UBA3: variants seen among roughly 807,000 people sequenced by gnomAD.
UBA3 encodes NEDD8-activating enzyme E1 catalytic subunit.
In UBA3, 26 loss-of-function variants were observed where a neutral mutation model predicts 73.5. That is an observed-to-expected ratio of 0.35 (90% CI 0.26 to 0.49). UBA3 has a LOEUF of 0.49. Ranked by LOEUF, UBA3 falls within the 20% of genes least tolerant of loss-of-function variation. UBA3 has a pLI of 0.98. For synonymous variants in UBA3, 217 were observed against 191.2 expected, an observed-to-expected ratio of 1.13 and a Z score of -1.11; for missense variants, 495 against 555.6, an observed-to-expected ratio of 0.89 and a Z score of 1.10.
chr3:69,059,713 G>A (rs1465169477), intron 11 of UBA3, among the ~76,000 whole-genome samples: 1 of 152,150 alleles, frequency 6.6e-6, no homozygotes, highest in African/African-American at 2.4e-5. Context: ...TACTAGATCA[G>A]TAAATGTAAG....
intron 11 of UBA3, among the ~76,000 whole-genome samples, chr3:69,057,754 A>G (rs2091986115): frequency 6.6e-6 from 1 of 152,130 alleles, no homozygotes; most frequent in South Asian, 2.1e-4. Context: ...ACAGATATTA[A>G]CTGATACACC....
intron 11 of UBA3, 63 bp downstream of exon 11, chr3:69,061,751 C>G (rs2092023067): frequency 3.4e-5 from 36 of 1,064,480 alleles, no homozygotes; most frequent in Non-Finnish European, 4.9e-5. Context: ...CGATTATTCT[C>G]CTGAAAGCAT....
chr3:69,060,383 T>C (rs1044541606), intron 11 of UBA3, among the ~76,000 whole-genome samples: 11 of 151,766 alleles, frequency 7.2e-5, no homozygotes, highest in Non-Finnish European at 1.3e-4. Context: ...CAGCTTTCAG[T>C]GGCTAGTAAC....
intron 11 of UBA3, among the ~76,000 whole-genome samples, chr3:69,058,196 C>T (rs2091992833): frequency 6.6e-6 from 1 of 152,182 alleles, no homozygotes; most frequent in Non-Finnish European, 1.5e-5. Flanking sequence ...TCCCAAAGTG[C>T]TGGGACTCAC....
intron 3 of UBA3, among the ~76,000 whole-genome samples, chr3:69,075,984 G>GC (rs2107500724): frequency 6.6e-6 from 1 of 152,220 alleles, no homozygotes; most frequent in Non-Finnish European, 1.5e-5. Context: ...GCCCGCCTCA[G>GC]CCTCCCAAAG....
intron 11 of UBA3, among the ~76,000 whole-genome samples, chr3:69,060,954 C>T (rs540575821): frequency 6.6e-6 from 1 of 152,360 alleles, no homozygotes; most frequent in East Asian, 1.9e-4. Flanking sequence ...GCCATGCTCA[C>T]ACAGCCTGCA....
intron 3 of UBA3, 69 bp downstream of exon 3, chr3:69,077,729 A>G (rs922167292): frequency 1.4e-6 from 2 of 1,435,002 alleles, no homozygotes; most frequent in Non-Finnish European, 1.9e-6. Flanking sequence ...CAAATTAAAA[A>G]AGAAGCATTC....
At position 69,057,249 on chromosome 3, in the gene UBA3, T is replaced by C. The variant is rs777827099; in HGVS notation, c.964+7A>G. On this transcript the variant is annotated splice_region_variant and intron_variant, in intron 12 of 17. Transcript: ENST00000361055. ...AATAAACTAAGTGATGGCCTTTTCT[T>C]CCTCACCTGCAATGACTGCATTTGT... 2 of 1,607,918 alleles carry C rather than the reference T, an allele frequency of 1.2e-6. No individual in the cohort carries two copies. The highest frequency in any genetic ancestry group is 1.7e-6 in the Non-Finnish European group (2 of 1,178,690).
chr3:69,064,870 G>A (rs528774142), intron 6 of UBA3, among the ~76,000 whole-genome samples: 2 of 152,052 alleles, frequency 1.3e-5, no homozygotes, highest in Non-Finnish European at 1.5e-5. Flanking sequence ...CTAAAGTTAA[G>A]ATAAATAGTC....
chr3:69,070,029 C>T (rs577505041), intron 5 of UBA3, among the ~76,000 whole-genome samples: 14 of 152,236 alleles, frequency 9.2e-5, no homozygotes, highest in Admixed American at 2.0e-4. Context: ...AAGAACCTAC[C>T]CTGAGGTTGC....
chr3:69,057,690 T>C (rs2091985759), intron 11 of UBA3, among the ~76,000 whole-genome samples: 1 of 152,174 alleles, frequency 6.6e-6, no homozygotes, highest in Admixed American at 6.5e-5. Context: ...GAGAGAAATT[T>C]AGTAATTTAT....
chr3:69,065,986 G>T (rs2092067878), intron 6 of UBA3, among the ~76,000 whole-genome samples: 1 of 151,510 alleles, frequency 6.6e-6, no homozygotes, highest in South Asian at 2.1e-4. Context: ...AGTTTTTAGA[G>T]TTCATTATAT....
At chr3:69,074,218 T>TA (rs1427571889) in intron 4 of UBA3, among the ~76,000 whole-genome samples, 42 of 152,322 alleles carry the variant, frequency 2.8e-4, no homozygotes, top group Admixed American at 1.3e-3. Flanking sequence ...ACATTTATAA[T>TA]ACCTAACAAA....
chr3:69,075,672 T>C lies in UBA3; in HGVS notation c.184-162A>G, dbSNP rs145259583. ...TCAATTATTTGAAATTTGTGAATTC[T>C]ATTGAACCAGGAATTCTAAAACTCT... On this transcript the variant is annotated intron_variant, in intron 3 of 17. Transcript: ENST00000361055. 1.9e-3 allele frequency among the ~76,000 whole-genome samples: 287 copies of C among 152,264 alleles called. 1 individual carries two copies. Among genetic ancestry groups the C allele is most frequent in the African/African-American group, 6.7e-3 (279 of 41,576 alleles).
intron 5 of UBA3, 62 bp from the exon 6 acceptor site, chr3:69,068,070 T>C (rs372270587): frequency 2.8e-6 from 3 of 1,084,576 alleles, no homozygotes; most frequent in South Asian, 3.7e-5. Flanking sequence ...ACATAACTTA[T>C]TTTCAAACAT....
At chr3:69,070,264 C>T (rs2092110750) in intron 5 of UBA3, among the ~76,000 whole-genome samples, 1 of 152,048 alleles carries the variant, frequency 6.6e-6, no homozygotes, top group South Asian at 2.1e-4. Flanking sequence ...AAAAAATAAA[C>T]AAAAAATAAA....
At chr3:69,063,304 C>A in intron 8 of UBA3, 135 bp downstream of exon 8, 1 of 1,227,854 alleles carries the variant, frequency 8.1e-7, no homozygotes, top group African/African-American at 1.6e-5. Context: ...CAATGACTGG[C>A]AATAAACAAT....
chr3:69,066,091 A>C (rs143199034), intron 6 of UBA3, among the ~76,000 whole-genome samples: 153 of 152,194 alleles, frequency 1.0e-3, no homozygotes, highest in African/African-American at 3.6e-3. Flanking sequence ...TCACACAGCA[A>C]GTTTTTAATT....
intron 6 of UBA3, among the ~76,000 whole-genome samples, chr3:69,067,250 A>C (rs1405132772): frequency 3.3e-5 from 5 of 152,106 alleles, no homozygotes; most frequent in African/African-American, 7.2e-5. Flanking sequence ...TTTCATCAGC[A>C]TTTTGTAGTT....
Sources: gnomAD v4.1 joint callset for allele counts (sites outside exome capture counted in the v4.1 genomes callset) on GRCh38, gnomAD v4.1.1 for gene constraint, MANE v1.5 for transcripts, NCBI Gene and HGNC (gene_info 2026-07-23, HGNC 2026-07-21) for gene names.